Variants in MTERF4 observed in about 807,000 individuals in gnomAD.
MTERF4 encodes the protein mitochondrial transcription termination factor 4.
A neutral mutation model predicts 22.5 loss-of-function variants in MTERF4; 17 were observed. That is an observed-to-expected ratio of 0.75 (90% confidence interval 0.52 to 1.13). The LOEUF is 1.13. MTERF4 is among the 50% of genes most tolerant of loss of function. The pLI, the probability that MTERF4 is intolerant of heterozygous loss-of-function variation, is 0.00. For synonymous variants in MTERF4, 165 were observed against 175.3 expected (o/e 0.94, Z 0.47); for missense variants, 420 against 466.8 (o/e 0.90, Z 0.92).
intron 1 of MTERF4, 96 bp downstream of exon 1, chr2:241,102,157 G>T: frequency 6.6e-7 from 1 of 1,524,594 alleles, no homozygotes; most frequent in Non-Finnish European, 8.9e-7. Flanking sequence ...AGGGCTCCAC[G>T]ACCTGGCCGT....
At chr2:241,065,072 C>T in the MTERF4 span, 1 of 895,892 alleles carries the variant, frequency 1.1e-6, no homozygotes, top group Admixed American at 2.9e-5. Flanking sequence ...GGCCCCTTCC[C>T]TGAGGAACAG....
At chr2:241,064,602 G>A in the MTERF4 span, among the ~76,000 whole-genome samples, 1 of 152,220 alleles carries the variant, frequency 6.6e-6, no homozygotes, top group Non-Finnish European at 1.5e-5. This position sits in a 1 kb window ranked among gnomAD's most constrained non-coding sequence, Gnocchi z 7.0. Context: ...TCCTGATCCA[G>A]TGTCTCCTCC....
At chr2:241,076,933 G>T (rs1011761709) in intron 4 of MTERF4, among the ~76,000 whole-genome samples, 1 of 152,172 alleles carries the variant, frequency 6.6e-6, no homozygotes, top group African/African-American at 2.4e-5. Flanking sequence ...CAAAAAATTA[G>T]CTGGGCATGG....
intron 1 of MTERF4, among the ~76,000 whole-genome samples, chr2:241,101,939 G>A (rs1339584215): frequency 1.3e-5 from 2 of 152,104 alleles, no homozygotes; most frequent in African/African-American, 4.8e-5. Context: ...TGTAATCCCA[G>A]CTACTTGGGA....
intron 4 of MTERF4, among the ~76,000 whole-genome samples, chr2:241,080,916 GT>G (rs1298023418): frequency 6.6e-6 from 1 of 152,240 alleles, no homozygotes; most frequent in Non-Finnish European, 1.5e-5. Flanking sequence ...TCTCCAGCTG[GT>G]GAGGGCAGGA....
At chr2:241,060,057 G>C in the MTERF4 span, among the ~76,000 whole-genome samples, 1 of 152,228 alleles carries the variant, frequency 6.6e-6, no homozygotes, top group Non-Finnish European at 1.5e-5. Context: ...TACAGGGTCA[G>C]TATATAGAAC....
intron 4 of MTERF4, among the ~76,000 whole-genome samples, chr2:241,079,434 G>A (rs1042857610): frequency 4.0e-5 from 6 of 150,434 alleles, no homozygotes; most frequent in Admixed American, 2.7e-4. Context: ...AAAAAGTAAC[G>A]TGCAGAACAG....
downstream of MTERF4, among the ~76,000 whole-genome samples, chr2:241,069,430 G>T (rs981879585): frequency 6.6e-6 from 1 of 152,122 alleles, no homozygotes; most frequent in South Asian, 2.1e-4. The surrounding 1 kb of genome is among the most constrained non-coding windows in gnomAD (Gnocchi z 4.9). Context: ...GCATGGGAGG[G>T]GTGACAGCAT....
the MTERF4 span, chr2:241,063,827 G>A: frequency 1.3e-6 from 1 of 772,386 alleles, no homozygotes; most frequent in Non-Finnish European, 2.0e-6. Flanking sequence ...CAGGGCTGCG[G>A]CCACCTTGGG....
chr2:241,086,063 C>T (rs1299631577), downstream of MTERF4, among the ~76,000 whole-genome samples: 2 of 152,044 alleles, frequency 1.3e-5, no homozygotes, highest in East Asian at 3.9e-4. Flanking sequence ...GACAGGGTTT[C>T]ACCATGTTGG....
At chr2:241,048,471 A>T in the MTERF4 span, 1 of 1,572,260 alleles carries the variant, frequency 6.4e-7, no homozygotes, top group Non-Finnish European at 8.6e-7. Flanking sequence ...CTGCCGTTTT[A>T]GGGCTGGGGC....
downstream of MTERF4, chr2:241,068,003 G>C (rs1264821107): frequency 2.7e-5 from 40 of 1,490,866 alleles, no homozygotes; most frequent in Non-Finnish European, 3.6e-5. This position sits in a 1 kb window ranked among gnomAD's most constrained non-coding sequence, Gnocchi z 5.3. Flanking sequence ...TGGGGGCTCG[G>C]GGACACGGGG....
chr2:241,066,617 A>G, the MTERF4 span, among the ~76,000 whole-genome samples: 2 of 112,822 alleles, frequency 1.8e-5, no homozygotes, highest in Non-Finnish European at 4.3e-5. Flanking sequence ...ACTGCTGCGA[A>G]GTGGCGTGAT....
At chr2:241,089,304 G>A (rs1288448592), downstream of MTERF4, 1 of 1,550,178 alleles carries the variant, frequency 6.5e-7, no homozygotes, top group East Asian at 2.4e-5. Flanking sequence ...TGGTGGCGCA[G>A]ATGAGTGAGG....
the MTERF4 span, among the ~76,000 whole-genome samples, chr2:241,057,380 AATATAT>A: frequency 0.37 from 43,235 of 117,956 alleles, 7,666 homozygotes; most frequent in Middle Eastern, 0.43. Flanking sequence ...TCCATCTCAA[AATATAT>A]ATATATATAT....
downstream of MTERF4, chr2:241,087,399 A>G (rs1277018676): frequency 6.3e-7 from 1 of 1,598,458 alleles, no homozygotes; most frequent in Non-Finnish European, 8.5e-7. Flanking sequence ...CAGGTATAAA[A>G]GAGTCTACCG....
At chr2:241,086,196 A>G (rs2125325679), downstream of MTERF4, among the ~76,000 whole-genome samples, 1 of 152,210 alleles carries the variant, frequency 6.6e-6, no homozygotes, top group East Asian at 1.9e-4. Context: ...ATGGCCTAAT[A>G]AACAAGATCT....
At chr2:241,052,028 C>T in the MTERF4 span, 2 of 1,611,872 alleles carry the variant, frequency 1.2e-6, no homozygotes, top group Non-Finnish European at 1.7e-6. Context: ...CCTGACCTGG[C>T]TTCTGTTTCC....
At chr2:241,081,352 G>C (rs187375896) in intron 4 of MTERF4, among the ~76,000 whole-genome samples, 2 of 152,164 alleles carry the variant, frequency 1.3e-5, no homozygotes, top group Non-Finnish European at 2.9e-5. Context: ...ACAGGCCAGT[G>C]GGGGCTCAGC....
Sources: allele counts gnomAD v4.1 joint callset (sites outside exome capture counted in the v4.1 genomes callset), GRCh38; gene constraint gnomAD v4.1.1; non-coding constraint Gnocchi (gnomAD v3.1); transcripts MANE v1.5; gene names NCBI Gene and HGNC (gene_info 2026-07-23, HGNC 2026-07-21).